TSPEAR: variants seen among roughly 807,000 people sequenced by gnomAD.
TSPEAR encodes the protein thrombospondin-type laminin G domain and EAR repeat-containing protein.
TSPEAR carries 69 observed loss-of-function variants against 71.6 expected under a neutral mutation model. That is an observed-to-expected ratio of 0.96 (90% CI 0.79 to 1.18). TSPEAR has a LOEUF of 1.18. Among genes scored for constraint, TSPEAR ranks in the 50% most tolerant of loss-of-function variants. The pLI is 0.00. For missense variants in TSPEAR, 971 were observed against 894.9 expected, an observed-to-expected ratio of 1.09 and a Z score of -1.09; for synonymous variants, 402 against 387.2, an observed-to-expected ratio of 1.04 and a Z score of -0.45.
rs1385188680 is a variant in TSPEAR at position 44,646,306 on chromosome 21, A to C, written c.82+65127T>G. Reference sequence around the variant, plus strand: ...CAGCCACCAGCTGTAAACACCAACAAGGAAGAAAAGCTTGTGGAGCCTCCT... The same window carrying C: ...CAGCCACCAGCTGTAAACACCAACACGGAAGAAAAGCTTGTGGAGCCTCCT... On this transcript the variant is annotated intron_variant, in intron 1 of 11. Coordinates refer to ENST00000323084, the MANE Select transcript of TSPEAR (RefSeq NM_144991.3). The C allele has an allele frequency of 1.2e-5, 13 of 1,111,132 alleles. No homozygotes were observed. In the Admixed American group the frequency reaches 3.3e-4, roughly 28 times the overall value. The allele number at this position is 1,111,132 out of a possible 1,614,324, so 68.8% of individuals were successfully genotyped here. A position where few individuals can be genotyped will look rare whatever the true frequency, so the allele number is the denominator to read the frequency against.
chr21:44,601,642 C>T lies in TSPEAR; in HGVS notation c.83-33637G>A, dbSNP rs180786399. ...CTCCTCCTGCCAGGCCAGCTGCTGC[C>T]GCCCAGCCTCCTGTGTGTCTCTCCT... is the stretch of plus-strand genomic sequence containing the variant. On this transcript the variant is annotated intron_variant, in intron 1 of 11. Coordinates refer to ENST00000323084, the MANE Select transcript of TSPEAR (RefSeq NM_144991.3). 805 of 1,612,330 alleles carry T rather than the reference C, an allele frequency of 5.0e-4. 3 individuals carry two copies. The highest frequency in any genetic ancestry group is 6.5e-4 in the Non-Finnish European group (765 of 1,178,558).
chr21:44,681,843 G>A (rs1986607005), intron 1 of TSPEAR: 1 of 1,610,992 alleles, frequency 6.2e-7, no homozygotes. Flanking sequence ...TCAGCAGCAG[G>A]AAGGGGTGCT....
intron 1 of TSPEAR, chr21:44,646,372 C>A (rs1384860617): frequency 1.3e-6 from 2 of 1,520,408 alleles, no homozygotes; most frequent in African/African-American, 2.8e-5. Flanking sequence ...AAAAGCCCCA[C>A]AGCCCTGAGC....
intron 2 of TSPEAR, among the ~76,000 whole-genome samples, chr21:44,538,068 C>A (rs1404740487): frequency 1.3e-5 from 2 of 152,154 alleles, no homozygotes; most frequent in East Asian, 3.9e-4. Context: ...TGACCACAGC[C>A]GTGGCAGCAC....
intron 1 of TSPEAR, among the ~76,000 whole-genome samples, chr21:44,635,071 G>A (rs933526708): frequency 1.3e-5 from 2 of 152,110 alleles, no homozygotes; most frequent in African/African-American, 2.4e-5. Context: ...AGGGCCGGGC[G>A]CAGTGGCTCA....
chr21:44,570,124 G>T (rs1555922316), intron 1 of TSPEAR, among the ~76,000 whole-genome samples: 1 of 152,134 alleles, frequency 6.6e-6, no homozygotes, highest in African/African-American at 2.4e-5. Context: ...AAACGTGGGG[G>T]CCACCATCCA....
intron 1 of TSPEAR, among the ~76,000 whole-genome samples, chr21:44,647,857 G>A (rs1555940574): frequency 6.6e-6 from 1 of 152,248 alleles, no homozygotes; most frequent in African/African-American, 2.4e-5. Context: ...CAGGGGATGA[G>A]CCTCCAAGCT....
intron 10 of TSPEAR, 94 bp from the exon 11 acceptor site, chr21:44,504,975 G>C: frequency 2.1e-6 from 2 of 956,748 alleles, no homozygotes; most frequent in Non-Finnish European, 3.3e-6. Context: ...TTATAGAGGA[G>C]GAGCCGGGGC....
At chr21:44,603,055 G>T (rs1031229468) in intron 1 of TSPEAR, among the ~76,000 whole-genome samples, 3 of 43,296 alleles carry the variant, frequency 6.9e-5, no homozygotes, top group Non-Finnish European at 2.4e-4. Flanking sequence ...TGCTCCAGAG[G>T]GGGTGGAGAC....
intron 9 of TSPEAR, 104 bp from the exon 10 acceptor site, chr21:44,509,490 AGGGG>A: frequency 6.2e-5 from 3 of 48,078 alleles, no homozygotes; most frequent in African/African-American, 9.9e-5. Context: ...GGTGTGGGGG[AGGGG>A]GCGCAGAGGT....
chr21:44,551,298 G>T (rs782382021), intron 2 of TSPEAR: 3 of 1,613,466 alleles, frequency 1.9e-6, no homozygotes, highest in Non-Finnish European at 2.5e-6. Context: ...GCAGGGGCTG[G>T]ACACACAGCT....
intron 1 of TSPEAR, among the ~76,000 whole-genome samples, chr21:44,664,445 A>G (rs1985647739): frequency 6.6e-6 from 1 of 152,206 alleles, no homozygotes; most frequent in African/African-American, 2.4e-5. Flanking sequence ...ACCTAAATAA[A>G]TAGACCATGT....
intron 2 of TSPEAR, chr21:44,539,722 C>T (rs1400802957): frequency 6.2e-7 from 1 of 1,608,398 alleles, no homozygotes; most frequent in Non-Finnish European, 8.5e-7. Context: ...AGCAAACAGG[C>T]ACACAGCAGG....
chr21:44,639,870 G>A (rs1481408270), intron 1 of TSPEAR, among the ~76,000 whole-genome samples: 1 of 152,224 alleles, frequency 6.6e-6, no homozygotes, highest in Non-Finnish European at 1.5e-5. Context: ...CCCCAGGGAG[G>A]ATACCTCCTG....
chr21:44,550,640 A>T, intron 2 of TSPEAR: 1 of 1,598,054 alleles, frequency 6.3e-7, no homozygotes, highest in Non-Finnish European at 8.5e-7. Flanking sequence ...AGGTCCAAGG[A>T]CTGGCAGGGA....
At chr21:44,664,218 A>G (rs1187208014) in intron 1 of TSPEAR, among the ~76,000 whole-genome samples, 3 of 152,194 alleles carry the variant, frequency 2.0e-5, no homozygotes, top group African/African-American at 7.2e-5. Flanking sequence ...AGCTACAAGA[A>G]CTAGTAAGTG....
intron 1 of TSPEAR, among the ~76,000 whole-genome samples, chr21:44,670,719 G>C (rs782753734): frequency 9.9e-5 from 15 of 152,236 alleles, no homozygotes; most frequent in Non-Finnish European, 1.9e-4. Context: ...GCCCACACTG[G>C]GTCTCACACA....
At chr21:44,645,747 A>G (rs1555939425) in intron 1 of TSPEAR, among the ~76,000 whole-genome samples, 1 of 152,186 alleles carries the variant, frequency 6.6e-6, no homozygotes, top group African/African-American at 2.4e-5. Flanking sequence ...AAGTAATAAA[A>G]TATATCTAAT....
At chr21:44,640,517 G>A (rs1362511386) in intron 1 of TSPEAR, among the ~76,000 whole-genome samples, 1 of 152,218 alleles carries the variant, frequency 6.6e-6, no homozygotes, top group African/African-American at 2.4e-5. Flanking sequence ...CACTTACAGT[G>A]GGTGAACTTC....
Sources: gnomAD v4.1 joint callset for allele counts (sites outside exome capture counted in the v4.1 genomes callset) on GRCh38, gnomAD v4.1.1 for gene constraint, MANE v1.5 for transcripts, NCBI Gene and HGNC (gene_info 2026-07-23, HGNC 2026-07-21) for gene names.